The following SRGAP3 variants were observed in gnomAD, a reference collection of about 807,000 sequenced individuals.
SRGAP3 encodes the protein SLIT-ROBO Rho GTPase activating protein 3.
A neutral mutation model predicts 121.1 loss-of-function variants in SRGAP3; 39 were observed. That is an observed-to-expected ratio of 0.32 (90% CI 0.25 to 0.42). The LOEUF (loss-of-function observed/expected upper bound fraction) is 0.42. Among genes scored for constraint, SRGAP3 ranks in the 10% least tolerant of loss-of-function variants. SRGAP3 has a pLI of 1.00. For missense variants in SRGAP3, 1,213 were observed against 1,470.6 expected (o/e 0.82, Z 2.86); for synonymous variants, 601 against 570.0 (o/e 1.05, Z -0.77).
chr3:9,230,590 G>A lies in SRGAP3; in HGVS notation c.67+18295C>T, dbSNP rs116520347. 8.3e-3 allele frequency among the ~76,000 whole-genome samples: 1,266 copies of A among 152,274 alleles called. 10 individuals are homozygous for A. The highest frequency in any genetic ancestry group is 0.028 in the African/African-American group (1,179 of 41,540). ...GAGGGAAAAAGAAAGCATGGATTTG[G>A]GCAGGCACAGTGGCTCATGCCTGGA... On this transcript the variant is annotated intron_variant, in intron 1 of 21. Coordinates refer to ENST00000383836, the MANE Select transcript of SRGAP3 (RefSeq NM_014850.4).
chr3:9,176,839 C>G (rs545925289), intron 1 of SRGAP3, among the ~76,000 whole-genome samples: 1 of 152,342 alleles, frequency 6.6e-6, no homozygotes, highest in Non-Finnish European at 1.5e-5. Flanking sequence ...TACCCTGACC[C>G]AAACTCCTCC....
chr3:9,331,547 C>A (rs1462337312), intron 1 of SRGAP3, among the ~76,000 whole-genome samples: 1 of 152,224 alleles, frequency 6.6e-6, no homozygotes, highest in Non-Finnish European at 1.5e-5. Flanking sequence ...TAATTCTCTC[C>A]TCGATAACTA....
chr3:9,012,237 C>T (rs1305617013), intron 17 of SRGAP3, among the ~76,000 whole-genome samples: 1 of 152,192 alleles, frequency 6.6e-6, no homozygotes, highest in Non-Finnish European at 1.5e-5. Flanking sequence ...AGTACTAAGG[C>T]AATTCAAAAG....
intron 1 of SRGAP3, among the ~76,000 whole-genome samples, chr3:9,190,560 G>A (rs183932219): frequency 1.2e-4 from 18 of 152,198 alleles, no homozygotes; most frequent in African/African-American, 2.9e-4. Context: ...GGCGCCCATC[G>A]ATGTATTTAT....
chr3:9,203,002 T>C (rs1952121106), intron 1 of SRGAP3, among the ~76,000 whole-genome samples: 1 of 152,188 alleles, frequency 6.6e-6, no homozygotes, highest in Non-Finnish European at 1.5e-5. Flanking sequence ...TCAGCAACCC[T>C]TGTGGGATCA....
At chr3:9,292,035 G>A (rs1460051233) in intron 3 of SRGAP3, among the ~76,000 whole-genome samples, 1 of 152,104 alleles carries the variant, frequency 6.6e-6, no homozygotes, top group Non-Finnish European at 1.5e-5. Context: ...GTTAACAGAA[G>A]GCATAAGAGA....
At chr3:9,156,553 T>C (rs1180934443) in intron 1 of SRGAP3, among the ~76,000 whole-genome samples, 1 of 152,232 alleles carries the variant, frequency 6.6e-6, no homozygotes, top group African/African-American at 2.4e-5. Context: ...AGAGAAGCTT[T>C]CTTTCTAACC....
At chr3:9,231,235 C>T (rs1953198501) in intron 1 of SRGAP3, among the ~76,000 whole-genome samples, 1 of 152,200 alleles carries the variant, frequency 6.6e-6, no homozygotes, top group African/African-American at 2.4e-5. Flanking sequence ...AATAGTGTAA[C>T]TGGTGATCTG....
intron 3 of SRGAP3, chr3:9,257,546 T>C (rs1014403101): frequency 6.6e-6 from 1 of 151,988 alleles, no homozygotes; most frequent in African/African-American, 2.4e-5. Flanking sequence ...AGCTAACACA[T>C]TCAGGTTAGG....
chr3:9,274,331 T>C (rs148241031), intron 3 of SRGAP3, among the ~76,000 whole-genome samples: 1 of 152,340 alleles, frequency 6.6e-6, no homozygotes, highest in Non-Finnish European at 1.5e-5. Flanking sequence ...GCAGTGGAAC[T>C]AGCCAGCTGC....
intron 15 of SRGAP3, chr3:9,014,095 C>G: frequency 1.3e-5 from 7 of 538,664 alleles, no homozygotes; most frequent in Non-Finnish European, 2.4e-5. Context: ...GTGAGAAACC[C>G]ACAGGGAGAT....
intron 1 of SRGAP3, among the ~76,000 whole-genome samples, chr3:9,171,781 A>C (rs758035792): frequency 6.6e-5 from 10 of 152,198 alleles, no homozygotes; most frequent in Non-Finnish European, 1.5e-4. Context: ...CATTTCTGGG[A>C]GCTGGCCCAA....
At chr3:9,238,646 G>A (rs1953506985) in intron 1 of SRGAP3, among the ~76,000 whole-genome samples, 1 of 152,172 alleles carries the variant, frequency 6.6e-6, no homozygotes, top group Non-Finnish European at 1.5e-5. Flanking sequence ...AGATGATGAG[G>A]CAACCACCAA....
At chr3:9,193,697 G>C (rs1461557049) in intron 1 of SRGAP3, 1 of 152,366 alleles carries the variant, frequency 6.6e-6, no homozygotes, top group Non-Finnish European at 1.5e-5. Flanking sequence ...CCTTGGCCTG[G>C]GGCTAAGCTG....
chr3:9,097,206 G>A (rs896288024), intron 3 of SRGAP3, among the ~76,000 whole-genome samples: 1 of 151,774 alleles, frequency 6.6e-6, no homozygotes, highest in South Asian at 2.1e-4. Flanking sequence ...GCCCAAGCTG[G>A]TCTCAAGCTC....
In SRGAP3 at chr3:9,056,351, C is replaced by T. The variant is rs759788171; in HGVS notation, c.1024-17G>A. The T allele has an allele frequency of 6.2e-7, 1 of 1,610,718 alleles. No homozygotes were observed. Among genetic ancestry groups the T allele is most frequent in the Non-Finnish European group, 8.5e-7 (1 of 1,179,668 alleles). Reference sequence around the variant, plus strand: ...CTGGCAGACCTGCAGGAATAACAGCCACCATCTGTGGTTGCCCTGTGCCCT... The same window carrying T: ...CTGGCAGACCTGCAGGAATAACAGCTACCATCTGTGGTTGCCCTGTGCCCT... On this transcript the variant is annotated splice_polypyrimidine_tract_variant and intron_variant, in intron 7 of 21. Transcript: ENST00000383836.
intron 1 of SRGAP3, among the ~76,000 whole-genome samples, chr3:9,143,844 A>G (rs17194511): frequency 0.016 from 2,448 of 152,172 alleles, 40 homozygotes; most frequent in Non-Finnish European, 0.024. Context: ...TCAAGCTAGA[A>G]ACTGGCCATC....
chr3:9,350,808 TTC>T (rs2030091246), intron 1 of SRGAP3, among the ~76,000 whole-genome samples: 1 of 152,232 alleles, frequency 6.6e-6, no homozygotes, highest in African/African-American at 2.4e-5. Flanking sequence ...CTGGCTGAAT[TTC>T]TCACCAGCAC....
intron 1 of SRGAP3, among the ~76,000 whole-genome samples, chr3:9,243,571 G>A (rs748977877): frequency 6.6e-6 from 1 of 150,930 alleles, no homozygotes; most frequent in Non-Finnish European, 1.5e-5. Flanking sequence ...GGAGGCAGAG[G>A]TTATAGTGAG....
Sources: gnomAD v4.1 joint callset for allele counts (sites outside exome capture counted in the v4.1 genomes callset) on GRCh38, gnomAD v4.1.1 for gene constraint, MANE v1.5 for transcripts, NCBI Gene and HGNC (gene_info 2026-07-23, HGNC 2026-07-21) for gene names.